PTPN2: variants seen among roughly 807,000 people sequenced by gnomAD.
PTPN2 encodes the protein protein tyrosine phosphatase non-receptor type 2.
Under a neutral mutation model 57.3 loss-of-function variants are expected in PTPN2, and 19 were observed. That is an observed-to-expected ratio of 0.33 (90% CI 0.23 to 0.49). The LOEUF (loss-of-function observed/expected upper bound fraction) is 0.49. PTPN2 is among the 20% of genes least tolerant of loss of function. PTPN2 has a pLI of 0.99. For synonymous variants in PTPN2, 153 were observed against 164.9 expected, an observed-to-expected ratio of 0.93 and a Z score of 0.55; for missense variants, 358 against 501.1, an observed-to-expected ratio of 0.71 and a Z score of 2.73.
chr18:12,873,284 G>C (rs1441877507), intron 1 of PTPN2, among the ~76,000 whole-genome samples: 23 of 125,222 alleles, frequency 1.8e-4, no homozygotes, highest in Admixed American at 1.0e-3. Context: ...CACGGTCTCC[G>C]TCTCCCCACG....
chr18:12,788,643 G>A (rs972263065), downstream of PTPN2, among the ~76,000 whole-genome samples: 1 of 151,894 alleles, frequency 6.6e-6, no homozygotes, highest in Non-Finnish European at 1.5e-5. Flanking sequence ...CACAAACCAA[G>A]TAAACACTTC....
At chr18:12,873,712 C>T (rs1203415510) in intron 1 of PTPN2, among the ~76,000 whole-genome samples, 2 of 152,228 alleles carry the variant, frequency 1.3e-5, no homozygotes, top group Non-Finnish European at 2.9e-5. Context: ...GCCGCCACCC[C>T]GTCTAGGAAG....
At chr18:12,805,456 CAA>C (rs752132478) in intron 7 of PTPN2, among the ~76,000 whole-genome samples, 2 of 122,114 alleles carry the variant, frequency 1.6e-5, no homozygotes, top group Admixed American at 8.5e-5. Flanking sequence ...GACTCTGTCT[CAA>C]AAAAAAAAAA....
intron 1 of PTPN2, among the ~76,000 whole-genome samples, chr18:12,865,825 C>CA (rs1036006406): frequency 6.6e-6 from 1 of 151,440 alleles, no homozygotes; most frequent in African/African-American, 2.4e-5. Context: ...AAAAAAAAAC[C>CA]AAAAAACAAA....
rs118029912 is a variant in PTPN2 at position 12,806,989 on chromosome 18, G to A, written c.859-4838C>T. On this transcript the variant is annotated intron_variant, in intron 7 of 8. Coordinates refer to ENST00000309660, the MANE Select transcript of PTPN2 (RefSeq NM_002828.4). ...TAGCAAAGGAAGCAATCGATAGACT[G>A]AAGAGACAATCTACAGAATGGAAGA... 8.3e-3 allele frequency among the ~76,000 whole-genome samples: 1,271 copies of A among 152,266 alleles called. 6 individuals carry two copies. The highest frequency in any genetic ancestry group is 0.014 in the Admixed American group (216 of 15,284).
chr18:12,819,092 C>G, intron 5 of PTPN2: 1 of 386,484 alleles, frequency 2.6e-6, no homozygotes, highest in Non-Finnish European at 4.4e-6. Context: ...GAAACTCCAT[C>G]TCAAAAAAAA....
downstream of PTPN2, among the ~76,000 whole-genome samples, chr18:12,790,707 A>C (rs1325521839): frequency 3.3e-5 from 5 of 152,236 alleles, no homozygotes; most frequent in South Asian, 2.1e-4. Context: ...TTCATATCAT[A>C]AACTGCTTTT....
intron 9 of PTPN2, chr18:12,785,940 A>C: frequency 9.1e-7 from 1 of 1,095,974 alleles, no homozygotes; most frequent in Non-Finnish European, 1.4e-6. Flanking sequence ...CTAACAATGA[A>C]CTGAAAAGGT....
rs1365689294 is a variant in PTPN2 at position 12,884,062 on chromosome 18, C to G, written c.69+11G>C. 1.9e-6 allele frequency: 3 copies of G among 1,567,772 alleles called. No individual in the cohort carries two copies. Among genetic ancestry groups the G allele is most frequent in the Non-Finnish European group, 2.6e-6 (3 of 1,158,222 alleles). On this transcript the variant is annotated intron_variant, in intron 1 of 8. Coordinates refer to ENST00000309660, the MANE Select transcript of PTPN2 (RefSeq NM_002828.4). ...GGAGGTCGGCGACTGCCGCGTGGGT[C>G]CGCGACTCACCAAGTACAGCGGCTG...
intron 1 of PTPN2, among the ~76,000 whole-genome samples, chr18:12,881,102 C>T (rs1422289033): frequency 1.3e-5 from 2 of 152,320 alleles, no homozygotes; most frequent in East Asian, 1.9e-4. Context: ...ACACTTTCCT[C>T]ATCCAGTCTG....
intron 1 of PTPN2, chr18:12,868,930 A>C (rs554556571): frequency 2.0e-5 from 3 of 152,286 alleles, no homozygotes; most frequent in African/African-American, 4.8e-5. Context: ...CAGGCGGATC[A>C]CTTGACATTA....
At chr18:12,807,579 A>AT in intron 7 of PTPN2, among the ~76,000 whole-genome samples, 1 of 78,202 alleles carries the variant, frequency 1.3e-5, no homozygotes, top group African/African-American at 3.5e-5. Flanking sequence ...AAAAAAAAAA[A>AT]AAAAAAAATA....
intron 3 of PTPN2, among the ~76,000 whole-genome samples, chr18:12,831,834 A>G (rs1288635650): frequency 1.3e-5 from 2 of 152,216 alleles, no homozygotes; most frequent in African/African-American, 4.8e-5. Context: ...TAAAAGCAAA[A>G]TATTTCATGT....
chr18:12,794,538 G>C, intron 8 of PTPN2, 53 bp from the exon 9 acceptor site: 1 of 1,595,914 alleles, frequency 6.3e-7, no homozygotes, highest in East Asian at 2.2e-5. Flanking sequence ...CAGGACTTGA[G>C]TACTCTAACA....
intron 1 of PTPN2, among the ~76,000 whole-genome samples, chr18:12,877,085 C>T (rs1195350421): frequency 6.6e-6 from 1 of 152,172 alleles, no homozygotes; most frequent in African/African-American, 2.4e-5. Flanking sequence ...TGTATTGGCC[C>T]AGTGTTTCCT....
At chr18:12,809,424 A>G (rs1598758022) in intron 7 of PTPN2, among the ~76,000 whole-genome samples, 1 of 152,226 alleles carries the variant, frequency 6.6e-6, no homozygotes, top group East Asian at 1.9e-4. Context: ...AAACGCATAT[A>G]TAACCTATGC....
chr18:12,859,631 A>C (rs2043719430), intron 1 of PTPN2, among the ~76,000 whole-genome samples: 1 of 152,220 alleles, frequency 6.6e-6, no homozygotes, highest in African/African-American at 2.4e-5. Flanking sequence ...ATGAAGCAGA[A>C]TTAATGCAAT....
chr18:12,884,147 C>T lies in PTPN2; in HGVS notation c.-6G>A. ...CGCTCGATGGTGGTGGGCATGGCTG[C>T]GGGAGCGAGCTGGCGCGAGCAGAGC... is the stretch of plus-strand genomic sequence containing the variant. On this transcript the variant is annotated 5_prime_UTR_variant, in exon 1 of 9. Coordinates refer to ENST00000309660, the MANE Select transcript of PTPN2 (RefSeq NM_002828.4). 1 of 1,578,974 alleles carries T rather than the reference C, an allele frequency of 6.3e-7. No homozygotes were observed. The highest frequency in any genetic ancestry group is 8.6e-7 in the Non-Finnish European group (1 of 1,164,352).
intron 2 of PTPN2, chr18:12,840,769 A>C: frequency 6.3e-7 from 1 of 1,598,444 alleles, no homozygotes; most frequent in Non-Finnish European, 8.5e-7. Flanking sequence ...TGGTGCCTTT[A>C]CCATCCTTTC....
Sources: allele counts gnomAD v4.1 joint callset (sites outside exome capture counted in the v4.1 genomes callset), GRCh38; gene constraint gnomAD v4.1.1; transcripts MANE v1.5; gene names NCBI Gene and HGNC (gene_info 2026-07-23, HGNC 2026-07-21).